KDM4C: variants seen among roughly 807,000 people sequenced by gnomAD.
The protein encoded by KDM4C is lysine-specific demethylase 4C.
Under a neutral mutation model 129.3 loss-of-function variants are expected in KDM4C, and 81 were observed. The observed-to-expected ratio is 0.63, with a 90% CI of 0.52 to 0.75. The LOEUF (loss-of-function observed/expected upper bound fraction) is 0.75, where lower values mean the gene tolerates loss of function less well. KDM4C is among the 30% of genes least tolerant of loss of function. The pLI, the probability that KDM4C is intolerant of heterozygous loss-of-function variation, is 0.00. For synonymous variants in KDM4C, 573 were observed against 456.1 expected (o/e 1.26, Z -3.26); for missense variants, 1,457 against 1,304.0 (o/e 1.12, Z -1.81).
chr9:6,941,525 A>G (rs1454142606), intron 8 of KDM4C: 1 of 152,238 alleles, frequency 6.6e-6, no homozygotes, highest in African/African-American at 2.4e-5. Context: ...ACAACTAAAA[A>G]AAACCATATT....
At chr9:6,835,605 C>A (rs1835737945) in intron 4 of KDM4C, 3 of 868,640 alleles carry the variant, frequency 3.5e-6, no homozygotes, top group Non-Finnish European at 4.0e-6. Flanking sequence ...TGTGTTACAC[C>A]CTTTCTTGAC....
At chr9:6,995,368 CAATGTGGTATTTCCACACAGAG>C (rs1819506219) in intron 12 of KDM4C, among the ~76,000 whole-genome samples, 1 of 152,086 alleles carries the variant, frequency 6.6e-6, no homozygotes, top group South Asian at 2.1e-4. Context: ...CACACACACA[CAATGTGGTATTTCCACACAGAG>C]AATAGTTGCC....
chr9:7,129,602 A>C (rs1840397519), intron 19 of KDM4C, among the ~76,000 whole-genome samples: 1 of 152,146 alleles, frequency 6.6e-6, no homozygotes, highest in African/African-American at 2.4e-5. Context: ...TAGGTGCTGG[A>C]AACATAAAGA....
chr9:6,842,945 T>C (rs1043561642), intron 4 of KDM4C, among the ~76,000 whole-genome samples: 6 of 152,214 alleles, frequency 3.9e-5, no homozygotes, highest in Non-Finnish European at 7.3e-5. Flanking sequence ...TTTTCTTTTT[T>C]CTGAGACAGA....
At chr9:6,930,278 G>T (rs11788152) in intron 8 of KDM4C, among the ~76,000 whole-genome samples, 38,416 of 151,914 alleles carry the variant, frequency 0.25, 5,365 homozygotes, top group South Asian at 0.39. Flanking sequence ...TCAGAATAAC[G>T]CTGCCCCATT....
intron 5 of KDM4C, among the ~76,000 whole-genome samples, chr9:6,879,434 A>C (rs1224830719): frequency 6.6e-6 from 1 of 152,198 alleles, no homozygotes; most frequent in Non-Finnish European, 1.5e-5. Context: ...AAATAAATAA[A>C]ACTTTTTTTA....
chr9:6,865,997 C>T (rs1841897763), intron 5 of KDM4C, among the ~76,000 whole-genome samples: 1 of 152,090 alleles, frequency 6.6e-6, no homozygotes, highest in Non-Finnish European at 1.5e-5. Context: ...TTGTGATCCG[C>T]CCGCCTCGGC....
intron 5 of KDM4C, among the ~76,000 whole-genome samples, chr9:6,878,257 A>C (rs1290687324): frequency 6.6e-6 from 1 of 152,204 alleles, no homozygotes; most frequent in East Asian, 1.9e-4. Context: ...TGAAGCTATT[A>C]AACTATAGCA....
chr9:7,085,760 T>TCC (rs761110531), intron 17 of KDM4C, among the ~76,000 whole-genome samples: 12 of 152,172 alleles, frequency 7.9e-5, no homozygotes, highest in Non-Finnish European at 1.5e-4. Flanking sequence ...AGCTCCCCAC[T>TCC]GGGCCTATGC....
chr9:6,757,486 G>T (rs1350079925), upstream of KDM4C, among the ~76,000 whole-genome samples: 1 of 152,368 alleles, frequency 6.6e-6, no homozygotes, highest in African/African-American at 2.4e-5. Flanking sequence ...GTGGGAAGGA[G>T]GCTCAGTGGT....
At chr9:7,012,228 G>A (rs1371334019) in intron 13 of KDM4C, among the ~76,000 whole-genome samples, 1 of 152,068 alleles carries the variant, frequency 6.6e-6, no homozygotes, top group African/African-American at 2.4e-5. Flanking sequence ...CACCATACCT[G>A]CCTAATTTTT....
chr9:7,046,733 C>T, intron 15 of KDM4C, 129 bp from the exon 16 acceptor site: 1 of 729,710 alleles, frequency 1.4e-6, no homozygotes, highest in South Asian at 1.7e-5. Context: ...CAGAGATAGA[C>T]CTTCATGTAA....
chr9:6,862,699 C>G (rs1321080697), intron 5 of KDM4C, among the ~76,000 whole-genome samples: 1 of 152,074 alleles, frequency 6.6e-6, no homozygotes, highest in Admixed American at 6.5e-5. Flanking sequence ...CCCAGCTACT[C>G]AGGAGGCTGA....
At chr9:6,881,112 G>A (rs1452445255) in intron 6 of KDM4C, among the ~76,000 whole-genome samples, 1 of 152,154 alleles carries the variant, frequency 6.6e-6, no homozygotes. Flanking sequence ...TGCCTTATAT[G>A]TGCTTTCAAT....
chr9:6,809,753 C>A (rs1830795253), intron 3 of KDM4C, among the ~76,000 whole-genome samples: 1 of 152,136 alleles, frequency 6.6e-6, no homozygotes, highest in South Asian at 2.1e-4. Flanking sequence ...AATCCCAGCA[C>A]TTTGGGAAGC....
In KDM4C at chr9:7,128,236, G is replaced by T; in HGVS notation, c.2781G>T (p.Val927=). The T allele has an allele frequency of 6.4e-7, 1 of 1,572,520 alleles. No homozygotes were observed. The highest frequency in any genetic ancestry group is 1.2e-5 in the South Asian group (1 of 85,006). Residue 927 remains valine (V), a splice_region_variant and synonymous_variant, in exon 19 of 22, where the codon GTG becomes GTT. Transcript: ENST00000381309. ...FSRDTFPEDI[V]SRDCLKLGPP... ...GAGACACATTTCCTGAGGATATCGTGGTAAGTAGGCTTCCTTGAGTGCCTG... is the reference window on the plus strand; with the variant it reads ...GAGACACATTTCCTGAGGATATCGTTGTAAGTAGGCTTCCTTGAGTGCCTG...
At chr9:6,967,745 G>A (rs1216861366) in intron 8 of KDM4C, among the ~76,000 whole-genome samples, 1 of 152,082 alleles carries the variant, frequency 6.6e-6, no homozygotes, top group Non-Finnish European at 1.5e-5. Flanking sequence ...TATTATCCTC[G>A]AGTTCAGAGT....
chr9:7,053,520 T>C (rs778145557), intron 17 of KDM4C, among the ~76,000 whole-genome samples: 3 of 152,224 alleles, frequency 2.0e-5, no homozygotes, highest in Non-Finnish European at 4.4e-5. Flanking sequence ...CCACCTTGCT[T>C]GGTAATGTCA....
chr9:7,001,663 C>G (rs181043838), intron 12 of KDM4C, among the ~76,000 whole-genome samples: 2 of 152,246 alleles, frequency 1.3e-5, no homozygotes, highest in East Asian at 3.9e-4. Context: ...CGTGATAACT[C>G]CTATTAGTTG....
Sources: allele counts gnomAD v4.1 joint callset (sites outside exome capture counted in the v4.1 genomes callset), GRCh38; gene constraint gnomAD v4.1.1; transcripts MANE v1.5; gene names NCBI Gene and HGNC (gene_info 2026-07-23, HGNC 2026-07-21).